The following CAMTA1 variants were observed in gnomAD, a reference collection of about 807,000 sequenced individuals.
CAMTA1 encodes the protein calmodulin-binding transcription activator 1.
A neutral mutation model predicts 170.9 loss-of-function variants in CAMTA1; 27 were observed. The ratio of observed to expected loss-of-function variants is 0.16; its 90% CI spans 0.12 to 0.22. The LOEUF (loss-of-function observed/expected upper bound fraction) is 0.22. CAMTA1 is among the 10% of genes least tolerant of loss of function. The pLI is 1.00. For synonymous variants in CAMTA1, 833 were observed against 891.5 expected (o/e 0.93, Z 1.17); for missense variants, 1,619 against 2,217.2 (o/e 0.73, Z 5.42).
rs1679175320 is a variant in CAMTA1, at chr1:7,325,766, C to T, written c.438+76140C>T. On this transcript the variant is annotated intron_variant, in intron 5 of 22. Coordinates refer to ENST00000303635, the MANE Select transcript of CAMTA1 (RefSeq NM_015215.4). This position sits in a 1 kb window ranked among gnomAD's most constrained non-coding sequence, Gnocchi z 5.0. Reference sequence around the variant, plus strand: ...CTGTGGACATACTGCATTTGAGATGCCTCAAAAATTCAGAGGGGCCACTGG... The same window carrying T: ...CTGTGGACATACTGCATTTGAGATGTCTCAAAAATTCAGAGGGGCCACTGG... Among the ~76,000 whole-genome samples the T allele has an allele frequency of 6.6e-6, 1 of 152,162 alleles. No individual in the cohort carries two copies. The highest frequency in any genetic ancestry group is 2.4e-5 in the African/African-American group (1 of 41,438).
intron 3 of CAMTA1, among the ~76,000 whole-genome samples, chr1:6,835,622 C>T (rs530443082): frequency 6.6e-6 from 1 of 152,270 alleles, no homozygotes; most frequent in African/African-American, 2.4e-5. Flanking sequence ...GGTGAAAGCT[C>T]ACTTAGAGGA....
At chr1:7,574,617 G>C (rs2095168131) in intron 6 of CAMTA1, among the ~76,000 whole-genome samples, 2 of 152,166 alleles carry the variant, frequency 1.3e-5, no homozygotes, top group Non-Finnish European at 2.9e-5. Flanking sequence ...GAGAACACGG[G>C]CTGTTTATTT....
chr1:6,989,662 C>T (rs1271985258), intron 3 of CAMTA1, among the ~76,000 whole-genome samples: 2 of 152,148 alleles, frequency 1.3e-5, no homozygotes, highest in African/African-American at 4.8e-5. Flanking sequence ...GCTGTCTTCC[C>T]CCACGTCACT....
chr1:7,131,101 G>A (rs1000421273), intron 4 of CAMTA1, among the ~76,000 whole-genome samples: 1 of 151,872 alleles, frequency 6.6e-6, no homozygotes, highest in African/African-American at 2.4e-5. Flanking sequence ...CTACAGGCAC[G>A]CGCCATCATG....
chr1:6,993,388 T>C (rs918693714), intron 3 of CAMTA1, among the ~76,000 whole-genome samples: 1 of 152,228 alleles, frequency 6.6e-6, no homozygotes, highest in South Asian at 2.1e-4. Flanking sequence ...GCAATGTTTT[T>C]AGTTTTCAGT....
intron 3 of CAMTA1, among the ~76,000 whole-genome samples, chr1:6,881,714 C>T (rs1026158886): frequency 2.6e-5 from 4 of 152,116 alleles, no homozygotes; most frequent in African/African-American, 9.7e-5. Flanking sequence ...ACGTCTGTAA[C>T]CCCAGCACTT....
chr1:7,743,145 C>T (rs1159556282), intron 16 of CAMTA1, among the ~76,000 whole-genome samples: 2 of 151,526 alleles, frequency 1.3e-5, no homozygotes, highest in Non-Finnish European at 2.9e-5. Flanking sequence ...TGAGCCACCA[C>T]GCCTGGCCCA....
chr1:7,358,700 T>C (rs1271404084), intron 5 of CAMTA1, among the ~76,000 whole-genome samples: 2 of 152,226 alleles, frequency 1.3e-5, no homozygotes, highest in Non-Finnish European at 2.9e-5. Flanking sequence ...AGCAGTGATT[T>C]GCAGCCTTTT....
intron 5 of CAMTA1, among the ~76,000 whole-genome samples, chr1:7,335,237 T>C (rs1036604740): frequency 1.4e-5 from 2 of 141,478 alleles, no homozygotes; most frequent in South Asian, 5.2e-4. Flanking sequence ...CCCACCAAGT[T>C]TTCAGTGAGT....
chr1:7,130,899 A>G (rs1645210500), intron 4 of CAMTA1, among the ~76,000 whole-genome samples: 1 of 151,772 alleles, frequency 6.6e-6, no homozygotes, highest in Non-Finnish European at 1.5e-5. Context: ...TTAGATATGA[A>G]TTCTTTGTTG....
chr1:7,745,199 C>T (rs1325659087), intron 17 of CAMTA1, among the ~76,000 whole-genome samples, 177 bp downstream of exon 17: 1 of 152,164 alleles, frequency 6.6e-6, no homozygotes, highest in Non-Finnish European at 1.5e-5. Flanking sequence ...TCCTACCTCT[C>T]CCATTATTTT....
At chr1:7,342,640 T>C (rs2083919428) in intron 5 of CAMTA1, among the ~76,000 whole-genome samples, 1 of 152,112 alleles carries the variant, frequency 6.6e-6, no homozygotes. Context: ...TGGAGCCATG[T>C]TAGAGAGCAA....
At chr1:7,407,674 G>A (rs543629438) in intron 5 of CAMTA1, among the ~76,000 whole-genome samples, 3 of 152,134 alleles carry the variant, frequency 2.0e-5, no homozygotes, top group Non-Finnish European at 2.9e-5. Flanking sequence ...GAGACAGCGC[G>A]TCTCCGTCCA....
At chr1:7,758,948 A>G (rs959480185) in intron 22 of CAMTA1, among the ~76,000 whole-genome samples, 2 of 151,602 alleles carry the variant, frequency 1.3e-5, no homozygotes, top group African/African-American at 4.8e-5. Flanking sequence ...AAAAAAAAAA[A>G]AAAAAAAGAT....
At chr1:7,636,911 G>A (rs80183348) in intron 6 of CAMTA1, among the ~76,000 whole-genome samples, 3,560 of 152,286 alleles carry the variant, frequency 0.023, 135 homozygotes, top group African/African-American at 0.081. Flanking sequence ...AGGAAATAAA[G>A]TTGATGTTCA....
intron 6 of CAMTA1, among the ~76,000 whole-genome samples, chr1:7,544,065 T>C (rs1025529971): frequency 2.0e-5 from 3 of 152,162 alleles, no homozygotes; most frequent in Non-Finnish European, 4.4e-5. Context: ...TTGGTTGGTG[T>C]ATTAGTCTGT....
chr1:7,222,337 T>A, intron 4 of CAMTA1, among the ~76,000 whole-genome samples: 1 of 152,116 alleles, frequency 6.6e-6, no homozygotes, highest in South Asian at 2.1e-4. Context: ...GCGTCTTCTG[T>A]CTCAATGCAC....
At chr1:6,856,331 C>CT (rs1248254439) in intron 3 of CAMTA1, among the ~76,000 whole-genome samples, 3,635 of 118,700 alleles carry the variant, frequency 0.031, 50 homozygotes, top group African/African-American at 0.039. Context: ...CCCCCTGCCG[C>CT]TTTTTTTTTT....
intron 3 of CAMTA1, among the ~76,000 whole-genome samples, chr1:6,950,961 G>A (rs1688383707): frequency 6.6e-6 from 1 of 152,214 alleles, no homozygotes; most frequent in Non-Finnish European, 1.5e-5. Flanking sequence ...TGCTGTTGCT[G>A]CTCATGGAGA....
Sources: gnomAD v4.1 joint callset for allele counts (sites outside exome capture counted in the v4.1 genomes callset) on GRCh38, gnomAD v4.1.1 for gene constraint, Gnocchi (gnomAD v3.1) non-coding constraint, MANE v1.5 for transcripts, NCBI Gene and HGNC (gene_info 2026-07-23, HGNC 2026-07-21) for gene names.